GALNT13: variants seen among roughly 807,000 people sequenced by gnomAD.
GALNT13 encodes the protein polypeptide N-acetylgalactosaminyltransferase 13.
A neutral mutation model predicts 64.2 loss-of-function variants in GALNT13; 28 were observed. That is an observed-to-expected ratio of 0.44 (90% CI 0.32 to 0.60). The LOEUF is 0.60. Among genes scored for constraint, GALNT13 ranks in the 20% least tolerant of loss-of-function variants. The probability of loss-of-function intolerance (pLI) is 0.05; values close to 1 mark genes in which losing one functional copy is unlikely to be tolerated. For missense variants in GALNT13, 577 were observed against 669.8 expected, an observed-to-expected ratio of 0.86 and a Z score of 1.53; for synonymous variants, 214 against 224.6, an observed-to-expected ratio of 0.95 and a Z score of 0.42.
chr2:154,438,654 A>C lies in GALNT13; in HGVS notation c.1458A>C (p.Arg486Ser). 1 of 1,612,108 alleles carries C rather than the reference A, an allele frequency of 6.2e-7. No individual in the cohort carries two copies. Among genetic ancestry groups the C allele is most frequent in the Non-Finnish European group, 8.5e-7 (1 of 1,178,296 alleles). The change falls in exon 12 of 13, where the codon AGA becomes AGC. Residue 486 changes from arginine to serine, a missense_variant. Around this residue, in one of 3 missense-constraint regions of GALNT13, gnomAD observed 232 missense variants for 270.6 expected, o/e 0.86. Coordinates refer to ENST00000392825, the MANE Select transcript of GALNT13 (RefSeq NM_052917.4). ...ATGACTTGTGCTTGGATGTTTCTAG[A>C]CTCAATGGACCTGTAATCATGTTAA... ...RTDDLCLDVS[R>S]LNGPVIMLKC...
the GALNT13 span, among the ~76,000 whole-genome samples, chr2:153,641,587 A>G: frequency 6.6e-6 from 1 of 152,096 alleles, no homozygotes; most frequent in Non-Finnish European, 1.5e-5. Flanking sequence ...CTCCATGTTT[A>G]CTTGTAAGCG....
chr2:153,446,496 T>C, the GALNT13 span, among the ~76,000 whole-genome samples: 5 of 152,146 alleles, frequency 3.3e-5, no homozygotes, highest in African/African-American at 1.2e-4. Flanking sequence ...TCGGTCTAAC[T>C]GTAAAGACTA....
At chr2:153,483,878 T>C in the GALNT13 span, among the ~76,000 whole-genome samples, 13 of 152,224 alleles carry the variant, frequency 8.5e-5, no homozygotes, top group Middle Eastern at 6.8e-3. Flanking sequence ...TTACTAGGGA[T>C]TGGGGAGAGG....
At chr2:153,254,009 T>A in the GALNT13 span, among the ~76,000 whole-genome samples, 1 of 152,188 alleles carries the variant, frequency 6.6e-6, no homozygotes, top group African/African-American at 2.4e-5. Flanking sequence ...GATTCCCTCT[T>A]TTTCTATTGA....
the GALNT13 span, among the ~76,000 whole-genome samples, chr2:153,465,408 T>C: frequency 4.0e-5 from 6 of 151,746 alleles, no homozygotes; most frequent in East Asian, 1.2e-3. Context: ...CCTTGTGATA[T>C]AAAGGTATTA....
At chr2:154,099,656 G>A (rs72870382) in intron 3 of GALNT13, among the ~76,000 whole-genome samples, 2 of 151,894 alleles carry the variant, frequency 1.3e-5, no homozygotes, top group Non-Finnish European at 2.9e-5. Flanking sequence ...TCCCAGCACC[G>A]GTCAGGCACG....
the GALNT13 span, among the ~76,000 whole-genome samples, chr2:153,531,780 G>GA: frequency 1.3e-5 from 2 of 152,158 alleles, no homozygotes; most frequent in East Asian, 3.9e-4. Context: ...ATTTCAAAAG[G>GA]AAAAAATTGA....
At chr2:153,343,583 C>A in the GALNT13 span, among the ~76,000 whole-genome samples, 1 of 152,032 alleles carries the variant, frequency 6.6e-6, no homozygotes, top group Admixed American at 6.5e-5. Flanking sequence ...TAGAATTCCA[C>A]ACATAAAAAT....
At position 154,284,520 on chromosome 2, in the gene GALNT13, TAC is replaced by T. The variant is rs372990123; in HGVS notation, c.976-16859_976-16858del. Reference sequence around the variant, plus strand: ...ATATATGTATCTGTATACATATAGCTACACACACACACACACACACACACACA... The same window carrying T: ...ATATATGTATCTGTATACATATAGCTACACACACACACACACACACACACA... On this transcript the variant is annotated intron_variant, in intron 8 of 12. Coordinates refer to ENST00000392825, the MANE Select transcript of GALNT13 (RefSeq NM_052917.4). Among the ~76,000 whole-genome samples, 655 of 145,490 alleles carry T rather than the reference TAC, an allele frequency of 4.5e-3. 1 individual carries two copies. Among genetic ancestry groups the T allele is most frequent in the Middle Eastern group, 6.9e-3 (2 of 288 alleles).
chr2:153,922,988 C>T (rs771105130), intron 2 of GALNT13, among the ~76,000 whole-genome samples: 1 of 152,056 alleles, frequency 6.6e-6, no homozygotes, highest in Non-Finnish European at 1.5e-5. Flanking sequence ...CAACCTCCGC[C>T]TCCCGGGTTC....
At chr2:153,743,462 CAATTTT>C in the GALNT13 span, among the ~76,000 whole-genome samples, 1 of 151,694 alleles carries the variant, frequency 6.6e-6, no homozygotes, top group African/African-American at 2.4e-5. Flanking sequence ...TTTTTAATTT[CAATTTT>C]AATTTTTTTT....
the GALNT13 span, among the ~76,000 whole-genome samples, chr2:153,621,068 A>G: frequency 6.6e-6 from 1 of 152,084 alleles, no homozygotes; most frequent in African/African-American, 2.4e-5. Flanking sequence ...GGATTACCAG[A>G]CAGAGACTCT....
the GALNT13 span, among the ~76,000 whole-genome samples, chr2:153,412,481 C>T: frequency 1.3e-5 from 2 of 152,182 alleles, no homozygotes; most frequent in African/African-American, 4.8e-5. Context: ...AGCAGCAGCT[C>T]ATCTCAAAAT....
intron 3 of GALNT13, among the ~76,000 whole-genome samples, chr2:154,049,426 G>A (rs1478019084): frequency 3.5e-5 from 5 of 143,966 alleles, no homozygotes; most frequent in Non-Finnish European, 7.6e-5. Flanking sequence ...GGATATAATG[G>A]TATATATACT....
At chr2:154,383,639 A>T (rs1377075750) in intron 9 of GALNT13, among the ~76,000 whole-genome samples, 1 of 151,970 alleles carries the variant, frequency 6.6e-6, no homozygotes, top group Non-Finnish European at 1.5e-5. Context: ...GCAAAACAGA[A>T]TGCTGACTAA....
At chr2:153,195,276 G>T in the GALNT13 span, among the ~76,000 whole-genome samples, 1 of 152,126 alleles carries the variant, frequency 6.6e-6, no homozygotes, top group African/African-American at 2.4e-5. Flanking sequence ...GTTTGGGCCT[G>T]CTGGGCTTGT....
the GALNT13 span, among the ~76,000 whole-genome samples, chr2:153,485,090 G>C: frequency 6.6e-6 from 1 of 152,136 alleles, no homozygotes; most frequent in Non-Finnish European, 1.5e-5. Flanking sequence ...TATTGTAGTG[G>C]ACAAATTTTC....
intron 3 of GALNT13, among the ~76,000 whole-genome samples, chr2:154,123,864 G>A (rs1198786946): frequency 6.6e-6 from 1 of 152,034 alleles, no homozygotes; most frequent in Non-Finnish European, 1.5e-5. Context: ...CTGAGAATTT[G>A]CGTGGGCTTC....
chr2:154,225,156 TAGATGATA>T (rs753046042), intron 4 of GALNT13, among the ~76,000 whole-genome samples: 19 of 100,630 alleles, frequency 1.9e-4, no homozygotes, highest in Admixed American at 2.5e-4. Context: ...GACAGATAGA[TAGATGATA>T]GATAGATAGA....
Sources: gnomAD v4.1 joint callset for allele counts (sites outside exome capture counted in the v4.1 genomes callset) on GRCh38, gnomAD v4.1.1 for gene constraint, gnomAD v4.1.1 regional missense constraint, MANE v1.5 for transcripts, NCBI Gene and HGNC (gene_info 2026-07-23, HGNC 2026-07-21) for gene names.